PDE8B: variants seen among roughly 807,000 people sequenced by gnomAD.
PDE8B encodes the protein phosphodiesterase 8B.
PDE8B carries 26 observed loss-of-function variants against 101.3 expected under a neutral mutation model. The observed-to-expected ratio is 0.26, with a 90% CI of 0.19 to 0.36. PDE8B has a LOEUF of 0.36. Among genes scored for constraint, PDE8B ranks in the 10% least tolerant of loss-of-function variants. PDE8B has a pLI of 1.00. For missense variants in PDE8B, 810 were observed against 1,163.1 expected (o/e 0.70, Z 4.42); for synonymous variants, 424 against 429.3 (o/e 0.99, Z 0.15).
intron 1 of PDE8B, among the ~76,000 whole-genome samples, chr5:77,217,997 C>G (rs905383228): frequency 6.6e-6 from 1 of 152,194 alleles, no homozygotes; most frequent in African/African-American, 2.4e-5. Flanking sequence ...TTCATCCCCT[C>G]CTTTCCCCCT....
At chr5:77,278,194 C>A (rs1352281065) in intron 1 of PDE8B, among the ~76,000 whole-genome samples, 1 of 152,160 alleles carries the variant, frequency 6.6e-6, no homozygotes, top group Non-Finnish European at 1.5e-5. Flanking sequence ...TAAACGTCTC[C>A]CAGCTTCAGT....
At chr5:77,173,188 A>C in the PDE8B span, among the ~76,000 whole-genome samples, 1 of 152,236 alleles carries the variant, frequency 6.6e-6, no homozygotes, top group African/African-American at 2.4e-5. Context: ...AGGTACAGGA[A>C]TAGAGGCTGG....
chr5:77,326,652 T>C (rs1165535857), intron 3 of PDE8B, among the ~76,000 whole-genome samples: 1 of 152,168 alleles, frequency 6.6e-6, no homozygotes, highest in Non-Finnish European at 1.5e-5. Context: ...TAAACATATT[T>C]TTCTATTTAA....
chr5:77,265,554 G>A (rs556945583), intron 1 of PDE8B, among the ~76,000 whole-genome samples: 53 of 152,222 alleles, frequency 3.5e-4, no homozygotes, highest in African/African-American at 1.3e-3. Flanking sequence ...AAAGGTTGGA[G>A]TATAAATAAT....
chr5:77,339,661 A>C (rs1440070573), intron 6 of PDE8B, among the ~76,000 whole-genome samples: 6 of 152,194 alleles, frequency 3.9e-5, no homozygotes, highest in Non-Finnish European at 7.3e-5. Flanking sequence ...ATACAATGCT[A>C]GAATAATTAT....
At chr5:77,306,874 T>G (rs543595231) in intron 1 of PDE8B, among the ~76,000 whole-genome samples, 3 of 152,294 alleles carry the variant, frequency 2.0e-5, no homozygotes, top group Non-Finnish European at 4.4e-5. Context: ...AGCTGAGTTT[T>G]TTTCTTGATC....
chr5:77,389,784 T>C (rs1286181888), intron 10 of PDE8B, among the ~76,000 whole-genome samples: 1 of 152,218 alleles, frequency 6.6e-6, no homozygotes, highest in Non-Finnish European at 1.5e-5. Context: ...TATCATTTTT[T>C]TTCCTTTTTA....
At chr5:77,418,883 T>G (rs574009466) in intron 18 of PDE8B, among the ~76,000 whole-genome samples, 1 of 152,224 alleles carries the variant, frequency 6.6e-6, no homozygotes, top group Admixed American at 6.5e-5. Flanking sequence ...CCCCGCATTC[T>G]CTGATGAGAG....
At chr5:77,359,465 G>T (rs1299072113) in intron 10 of PDE8B, among the ~76,000 whole-genome samples, 2 of 152,212 alleles carry the variant, frequency 1.3e-5, no homozygotes, top group African/African-American at 2.4e-5. Flanking sequence ...AGGACAGCAG[G>T]CTGGGGGGTG....
rs373734331 is a variant in PDE8B, at chr5:77,291,038, G to A, written c.340-20956G>A. 6 of 1,611,782 alleles carry A rather than the reference G, an allele frequency of 3.7e-6. No individual in the cohort carries two copies. In the African/African-American group the frequency reaches 8.0e-5, roughly 22 times the overall value. ...AGGTGGGAAAACAGATGGCCCTGAT[G>A]GTGCAGGAGAGGTTTGGGAGAAGTT... On this transcript the variant is annotated intron_variant, in intron 1 of 21. Coordinates refer to ENST00000264917, the MANE Select transcript of PDE8B (RefSeq NM_003719.5).
chr5:77,254,067 A>G lies in PDE8B; in HGVS notation c.339+42803A>G, dbSNP rs542531272. ...TTTGTGTGGAACTAATAAGTAGATA[A>G]TCTCTATGATTGTATCCTTGCTTGA... On this transcript the variant is annotated intron_variant, in intron 1 of 21. Transcript: ENST00000264917. Among the ~76,000 whole-genome samples, 4 of 152,238 alleles carry G rather than the reference A, an allele frequency of 2.6e-5. No individual in the cohort carries two copies. The South Asian group carries it at 6.2e-4, about 24-fold the overall frequency.
chr5:77,141,517 T>C, the PDE8B span: 8 of 152,316 alleles, frequency 5.3e-5, no homozygotes, highest in African/African-American at 1.9e-4. Flanking sequence ...GGCATTGGAA[T>C]TGTCCTCTGA....
At chr5:77,393,783 C>T (rs1790450604) in intron 10 of PDE8B, among the ~76,000 whole-genome samples, 1 of 152,166 alleles carries the variant, frequency 6.6e-6, no homozygotes, top group Non-Finnish European at 1.5e-5. Context: ...GTAGAAATTC[C>T]TCTCTTCTTT....
At chr5:77,145,810 T>G in the PDE8B span, 2 of 152,132 alleles carry the variant, frequency 1.3e-5, no homozygotes, top group African/African-American at 4.8e-5. Flanking sequence ...TCTCCAAAAT[T>G]CTACTGGCAG....
At chr5:77,274,921 A>G (rs1763542525) in intron 1 of PDE8B, among the ~76,000 whole-genome samples, 1 of 152,200 alleles carries the variant, frequency 6.6e-6, no homozygotes, top group African/African-American at 2.4e-5. Context: ...AAAGAGAAAG[A>G]GATTTTGTTG....
intron 10 of PDE8B, among the ~76,000 whole-genome samples, chr5:77,380,612 C>A (rs1787267991): frequency 6.6e-6 from 1 of 152,204 alleles, no homozygotes. Context: ...ATGAGGCAAA[C>A]AGCCTGGTCA....
rs1779537050 is a variant in PDE8B, at chr5:77,343,262, G to T, written c.798-1591G>T. Among the ~76,000 whole-genome samples the T allele has an allele frequency of 1.3e-5, 2 of 152,170 alleles. 1 individual carries two copies. Among genetic ancestry groups the T allele is most frequent in the South Asian group, 4.1e-4 (2 of 4,832 alleles). ...TACAGTCATGCATCATTTAATGATG[G>T]GGATATGTTCTGAGAAATGTGTCGT... On this transcript the variant is annotated intron_variant, in intron 6 of 21. Transcript: ENST00000264917.
At chr5:77,237,014 T>C (rs939065303) in intron 1 of PDE8B, among the ~76,000 whole-genome samples, 6 of 152,240 alleles carry the variant, frequency 3.9e-5, no homozygotes, top group Admixed American at 3.9e-4. Context: ...GAATTGACTT[T>C]TTTATGATTA....
At chr5:77,298,959 C>T (rs1400445353) in intron 1 of PDE8B, among the ~76,000 whole-genome samples, 1 of 152,182 alleles carries the variant, frequency 6.6e-6, no homozygotes, top group African/African-American at 2.4e-5. Context: ...GTTTTCTCAA[C>T]TAAGATAAAA....
Sources: allele counts gnomAD v4.1 joint callset (sites outside exome capture counted in the v4.1 genomes callset), GRCh38; gene constraint gnomAD v4.1.1; transcripts MANE v1.5; gene names NCBI Gene and HGNC (gene_info 2026-07-23, HGNC 2026-07-21).